ADGRL3: variants seen among roughly 807,000 people sequenced by gnomAD.
The protein encoded by ADGRL3 is calcium-independent alpha-latrotoxin receptor 3.
A neutral mutation model predicts 153.5 loss-of-function variants in ADGRL3; 62 were observed. The observed-to-expected ratio is 0.40, with a 90% CI of 0.33 to 0.50. ADGRL3 has a LOEUF of 0.50. ADGRL3 is among the 20% of genes least tolerant of loss of function. The pLI, the probability that ADGRL3 is intolerant of heterozygous loss-of-function variation, is 0.47. For missense variants in ADGRL3, 1,641 were observed against 1,859.4 expected, an observed-to-expected ratio of 0.88 and a Z score of 2.16; for synonymous variants, 710 against 672.5, an observed-to-expected ratio of 1.06 and a Z score of -0.86.
At chr4:61,845,774 A>C (rs1420182175) in intron 9 of ADGRL3, among the ~76,000 whole-genome samples, 1 of 152,154 alleles carries the variant, frequency 6.6e-6, no homozygotes, top group African/African-American at 2.4e-5. Context: ...AAATGGCTTT[A>C]GTGAGAGACA....
chr4:62,061,084 G>C (rs1183212088), intron 25 of ADGRL3, among the ~76,000 whole-genome samples: 1 of 151,864 alleles, frequency 6.6e-6, no homozygotes. Context: ...TTGAGGTTAA[G>C]ACATTTGTTA....
intron 13 of ADGRL3, among the ~76,000 whole-genome samples, chr4:61,921,304 C>T (rs978341300): frequency 6.6e-5 from 10 of 152,096 alleles, no homozygotes; most frequent in Admixed American, 5.2e-4. Context: ...CTCCAGGGCA[C>T]GCCACTGACA....
At chr4:61,887,260 T>C (rs2098544747) in intron 9 of ADGRL3, among the ~76,000 whole-genome samples, 1 of 152,270 alleles carries the variant, frequency 6.6e-6, no homozygotes, top group Admixed American at 6.5e-5. Flanking sequence ...TGATCAAGAA[T>C]AGTAATGCTT....
At chr4:61,465,312 A>G (rs1560680391) in intron 2 of ADGRL3, among the ~76,000 whole-genome samples, 1 of 152,156 alleles carries the variant, frequency 6.6e-6, no homozygotes, top group Admixed American at 6.5e-5. Context: ...TTAGTATAGC[A>G]TGTCCAAAAG....
At chr4:62,025,242 A>G (rs912190771) in intron 21 of ADGRL3, among the ~76,000 whole-genome samples, 2 of 152,274 alleles carry the variant, frequency 1.3e-5, no homozygotes, top group South Asian at 4.1e-4. Context: ...TATACATTGT[A>G]ATGTTGCCAA....
intron 2 of ADGRL3, among the ~76,000 whole-genome samples, chr4:61,384,722 C>T (rs1169226606): frequency 6.6e-6 from 1 of 151,818 alleles, no homozygotes; most frequent in Non-Finnish European, 1.5e-5. Flanking sequence ...AATCAGCACT[C>T]CAGTAGAAGC....
chr4:61,307,594 C>T (rs912806182), intron 1 of ADGRL3, among the ~76,000 whole-genome samples: 4 of 151,956 alleles, frequency 2.6e-5, no homozygotes, highest in Non-Finnish European at 5.9e-5. Context: ...GTGACAGATA[C>T]GTTTGTGAAT....
chr4:61,978,131 A>G (rs2099054381), intron 17 of ADGRL3, among the ~76,000 whole-genome samples: 1 of 152,200 alleles, frequency 6.6e-6, no homozygotes, highest in South Asian at 2.1e-4. Context: ...TCCTAAAACA[A>G]AAGTCAGTGT....
chr4:61,273,650 A>G (rs1013371457), intron 1 of ADGRL3, among the ~76,000 whole-genome samples: 1 of 152,146 alleles, frequency 6.6e-6, no homozygotes, highest in East Asian at 1.9e-4. Context: ...TTCATTCCCT[A>G]CCCTCGAATA....
intron 1 of ADGRL3, among the ~76,000 whole-genome samples, chr4:61,340,586 C>T (rs1286471052): frequency 6.6e-6 from 1 of 151,966 alleles, no homozygotes; most frequent in African/African-American, 2.4e-5. Context: ...TGCTATTGTC[C>T]AGCTTAAAAC....
At chr4:61,902,204 G>A (rs976119463) in intron 11 of ADGRL3, among the ~76,000 whole-genome samples, 2 of 152,172 alleles carry the variant, frequency 1.3e-5, no homozygotes, top group African/African-American at 4.8e-5. Flanking sequence ...ATTGGGAGCA[G>A]CTGTGGGAGA....
intron 1 of ADGRL3, among the ~76,000 whole-genome samples, chr4:61,300,196 G>A (rs181496126): frequency 4.2e-4 from 64 of 152,174 alleles, no homozygotes; most frequent in African/African-American, 1.5e-3. Context: ...CTGGTATCAT[G>A]GCCTTCATTC....
chr4:61,893,303 T>C (rs548519018), intron 10 of ADGRL3, among the ~76,000 whole-genome samples: 2 of 152,240 alleles, frequency 1.3e-5, no homozygotes, highest in East Asian at 3.9e-4. Context: ...AGACCTGCAC[T>C]TTGCCCTCAT....
At chr4:62,030,909 G>A (rs143822991) in intron 22 of ADGRL3, among the ~76,000 whole-genome samples, 1 of 151,534 alleles carries the variant, frequency 6.6e-6, no homozygotes, top group Non-Finnish European at 1.5e-5. Context: ...AGACAAGTGG[G>A]GCTCATTAAA....
chr4:62,030,120 G>GA (rs1244842490), intron 22 of ADGRL3, among the ~76,000 whole-genome samples: 1 of 151,444 alleles, frequency 6.6e-6, no homozygotes. Context: ...TGTTATGGGA[G>GA]AAAAACAGTA....
chr4:61,797,630 A>G (rs1016169314), intron 8 of ADGRL3, among the ~76,000 whole-genome samples: 6 of 152,192 alleles, frequency 3.9e-5, no homozygotes, highest in African/African-American at 1.2e-4. Context: ...GTTACCTTTT[A>G]TAACAGTTTA....
chr4:61,680,140 TTATATTTTATGATTC>T (rs1311065177), intron 6 of ADGRL3, among the ~76,000 whole-genome samples: 4 of 152,054 alleles, frequency 2.6e-5, no homozygotes, highest in Non-Finnish European at 5.9e-5. Context: ...TTGTGCTTAA[TTATATTTTATGATTC>T]TTGATAAAAG....
rs990792085 is a variant in ADGRL3, at chr4:61,710,163, A to T, written c.584-20459A>T. On this transcript the variant is annotated intron_variant, in intron 6 of 26. Coordinates refer to ENST00000683033, the MANE Select transcript of ADGRL3 (RefSeq NM_001387552.1). ...ACGCAGTTCTGAAGTCTGTGGTTGG[A>T]TGGTAAGTTTGTCCCAGGCTTTGGA... Among the ~76,000 whole-genome samples the T allele has an allele frequency of 2.6e-5, 4 of 152,156 alleles. 1 individual carries two copies. The highest frequency in any genetic ancestry group is 4.1e-4 in the South Asian group (2 of 4,828).
intron 8 of ADGRL3, among the ~76,000 whole-genome samples, chr4:61,737,574 AT>A (rs894219988): frequency 3.9e-5 from 6 of 152,216 alleles, no homozygotes; most frequent in African/African-American, 1.4e-4. Context: ...AATGGAAAAA[AT>A]AACTCCAACC....
Sources: allele counts gnomAD v4.1 joint callset (sites outside exome capture counted in the v4.1 genomes callset), GRCh38; gene constraint gnomAD v4.1.1; transcripts MANE v1.5; gene names NCBI Gene and HGNC (gene_info 2026-07-23, HGNC 2026-07-21).